STK33: variants seen among roughly 807,000 people sequenced by gnomAD.
STK33 encodes the protein serine/threonine kinase 33.
In STK33, 52 loss-of-function variants were observed where a neutral mutation model predicts 58.0. The observed-to-expected ratio is 0.90, with a 90% CI of 0.72 to 1.13. The LOEUF (loss-of-function observed/expected upper bound fraction) is 1.13. Ranked by LOEUF, STK33 falls within the 50% of genes most tolerant of loss-of-function variation. STK33 has a pLI of 0.00. For synonymous variants in STK33, 215 were observed against 200.1 expected (o/e 1.07, Z -0.63); for missense variants, 630 against 604.2 (o/e 1.04, Z -0.45).
chr11:8,530,817 A>T (rs1274555588), intron 1 of STK33, among the ~76,000 whole-genome samples: 1 of 152,106 alleles, frequency 6.6e-6, no homozygotes, highest in African/African-American at 2.4e-5. Flanking sequence ...AGCCTCTCTG[A>T]GTTGCTGGGA....
At chr11:8,572,929 G>A (rs535651108) in intron 1 of STK33, among the ~76,000 whole-genome samples, 109 of 152,112 alleles carry the variant, frequency 7.2e-4, no homozygotes, top group African/African-American at 2.5e-3. Context: ...TGACCTGTGA[G>A]AGAGTATTAA....
At chr11:8,409,232 T>C (rs1311956328) in intron 15 of STK33, among the ~76,000 whole-genome samples, 2 of 152,216 alleles carry the variant, frequency 1.3e-5, no homozygotes, top group Non-Finnish European at 2.9e-5. Context: ...TTCAGTTTGG[T>C]TGTGCCAGGC....
the STK33 span, among the ~76,000 whole-genome samples, chr11:8,350,558 C>T: frequency 6.6e-6 from 1 of 152,164 alleles, no homozygotes; most frequent in Non-Finnish European, 1.5e-5. Flanking sequence ...CTCCCCCATG[C>T]CACTCTTCTG....
intron 1 of STK33, among the ~76,000 whole-genome samples, chr11:8,522,551 T>A (rs923351027): frequency 3.3e-5 from 5 of 151,846 alleles, no homozygotes; most frequent in African/African-American, 1.2e-4. Flanking sequence ...GAAATGAAAG[T>A]GTAACATTCC....
intron 15 of STK33, among the ~76,000 whole-genome samples, chr11:8,399,837 A>T (rs1023562286): frequency 1.3e-5 from 2 of 152,258 alleles, no homozygotes; most frequent in African/African-American, 2.4e-5. Context: ...AATACTATAA[A>T]CACCTCTATG....
chr11:8,460,149 T>C (rs1591251793), intron 8 of STK33, among the ~76,000 whole-genome samples: 1 of 152,100 alleles, frequency 6.6e-6, no homozygotes. Context: ...TATTAAAATA[T>C]CTAGCATCCA....
chr11:8,569,084 G>A (rs1957631517), intron 1 of STK33, among the ~76,000 whole-genome samples: 1 of 152,190 alleles, frequency 6.6e-6, no homozygotes, highest in African/African-American at 2.4e-5. Flanking sequence ...CACAAGGCAT[G>A]AATTTACCAA....
At chr11:8,526,333 A>G (rs1259637970) in intron 1 of STK33, among the ~76,000 whole-genome samples, 1 of 152,044 alleles carries the variant, frequency 6.6e-6, no homozygotes, top group Admixed American at 6.6e-5. Context: ...CAGAGGTTGC[A>G]ATGAGCCGAG....
intron 1 of STK33, among the ~76,000 whole-genome samples, chr11:8,534,762 T>G (rs1042444807): frequency 2.6e-5 from 4 of 152,062 alleles, no homozygotes; most frequent in Non-Finnish European, 5.9e-5. Flanking sequence ...TTGAGTGGCA[T>G]AAGACACACC....
chr11:8,473,235 T>C lies in STK33; in HGVS notation c.267A>G (p.Gln89=), dbSNP rs760144242. 6 of 1,613,512 alleles carry C rather than the reference T, an allele frequency of 3.7e-6. No individual in the cohort carries two copies. In the African/African-American group the frequency reaches 5.3e-5, roughly 14 times the overall value. The part of the protein sequence containing the change: ...TSNVERKASQ[Q]QWGRGNFTEG... ...CTGTAAAGTTGCCCCGACCCCATTGTTGCTGAGATGCTTTTCTCTCTACAT... is the reference window on the plus strand; with the variant it reads ...CTGTAAAGTTGCCCCGACCCCATTGCTGCTGAGATGCTTTTCTCTCTACAT... The change falls in exon 6 of 16, where the codon CAA becomes CAG. Residue 89 remains glutamine, a synonymous_variant. Transcript: ENST00000687296.
At chr11:8,371,241 C>A in the STK33 span, among the ~76,000 whole-genome samples, 2 of 152,058 alleles carry the variant, frequency 1.3e-5, no homozygotes, top group Admixed American at 6.5e-5. Context: ...TAGGGTGGGC[C>A]CCAAATCCAA....
In STK33 at chr11:8,542,614, T is replaced by C. The variant is rs373611125; in HGVS notation, c.-466+51469A>G. ...TCCAAAATGTCAATAGGGCCAACGC[T>C]GAGAAATACTGACCTAAAAGAATGC... is the stretch of plus-strand genomic sequence containing the variant. On this transcript the variant is annotated intron_variant, in intron 1 of 15. Transcript: ENST00000687296. Among the ~76,000 whole-genome samples the C allele has an allele frequency of 1.0e-3, 155 of 152,326 alleles. 1 individual carries two copies. Among genetic ancestry groups the C allele is most frequent in the African/African-American group, 3.5e-3 (145 of 41,550 alleles).
chr11:8,512,242 T>C (rs903646720), intron 1 of STK33, among the ~76,000 whole-genome samples: 4 of 152,180 alleles, frequency 2.6e-5, no homozygotes, highest in African/African-American at 9.7e-5. Flanking sequence ...CATAATGATA[T>C]ACAATTTCTT....
intron 11 of STK33, among the ~76,000 whole-genome samples, chr11:8,443,587 A>T (rs950879900): frequency 1.4e-5 from 2 of 138,274 alleles, no homozygotes; most frequent in East Asian, 4.5e-4. Context: ...TCACAATTAG[A>T]ACACCGTATG....
At chr11:8,378,516 C>T in the STK33 span, among the ~76,000 whole-genome samples, 1 of 152,148 alleles carries the variant, frequency 6.6e-6, no homozygotes, top group South Asian at 2.1e-4. Context: ...GAAACTCCAT[C>T]TCAAAAAACA....
intron 15 of STK33, 148 bp downstream of exon 15, chr11:8,413,347 C>A: frequency 1.2e-6 from 1 of 869,372 alleles, no homozygotes; most frequent in South Asian, 1.7e-5. Flanking sequence ...TCATGCTAGC[C>A]TTATAAGGCA....
the STK33 span, among the ~76,000 whole-genome samples, chr11:8,377,245 C>T: frequency 5.9e-5 from 9 of 152,222 alleles, no homozygotes; most frequent in Non-Finnish European, 1.3e-4. Context: ...GATCCATTGC[C>T]TAGGCAGGGC....
the STK33 span, among the ~76,000 whole-genome samples, chr11:8,351,689 C>A: frequency 6.6e-6 from 1 of 152,230 alleles, no homozygotes; most frequent in Non-Finnish European, 1.5e-5. Context: ...GGTGTGGGAG[C>A]GTCGTCCGGA....
At chr11:8,520,552 C>T (rs571726240) in intron 1 of STK33, among the ~76,000 whole-genome samples, 23 of 152,204 alleles carry the variant, frequency 1.5e-4, no homozygotes, top group African/African-American at 3.9e-4. Flanking sequence ...GGAAGTCAAA[C>T]TGTCCCTGTT....
Sources: gnomAD v4.1 joint callset for allele counts (sites outside exome capture counted in the v4.1 genomes callset) on GRCh38, gnomAD v4.1.1 for gene constraint, MANE v1.5 for transcripts, NCBI Gene and HGNC (gene_info 2026-07-23, HGNC 2026-07-21) for gene names.